MYCBP2: variants seen among roughly 807,000 people sequenced by gnomAD.
The protein encoded by MYCBP2 is E3 ubiquitin-protein ligase MYCBP2.
A neutral mutation model predicts 525.3 loss-of-function variants in MYCBP2; 120 were observed. The observed-to-expected ratio is 0.23, with a 90% CI of 0.20 to 0.27. The LOEUF is 0.27. MYCBP2 is among the 10% of genes least tolerant of loss of function. MYCBP2 has a pLI of 1.00. For synonymous variants in MYCBP2, 1,894 were observed against 1,955.8 expected, an observed-to-expected ratio of 0.97 and a Z score of 0.83; for missense variants, 4,149 against 5,657.1, an observed-to-expected ratio of 0.73 and a Z score of 8.55.
intron 8 of MYCBP2, among the ~76,000 whole-genome samples, chr13:77,267,414 T>TA (rs1567103045): frequency 6.7e-5 from 10 of 148,642 alleles, no homozygotes; most frequent in African/African-American, 2.2e-4. Flanking sequence ...AAAATAAAAT[T>TA]AAATTAAATT....
At position 77,066,092 on chromosome 13, in the gene MYCBP2, C is replaced by T; in HGVS notation, c.12456-4G>A. The T allele has an allele frequency of 6.2e-7, 1 of 1,606,348 alleles. No homozygotes were observed. Among genetic ancestry groups the T allele is most frequent in the Non-Finnish European group, 8.5e-7 (1 of 1,174,426 alleles). On this transcript the variant is annotated splice_polypyrimidine_tract_variant and splice_region_variant and intron_variant, in intron 71 of 82. Transcript: ENST00000544440. ...ACTTTCACCTCGTCGGAGATAACTA[C>T]AAGAAAAATTAGCACTTAAAAAGCC...
chr13:77,190,394 T>G, intron 28 of MYCBP2, 59 bp from the exon 29 acceptor site: 1 of 989,280 alleles, frequency 1.0e-6, no homozygotes, highest in Non-Finnish European at 1.5e-6. Flanking sequence ...AATAAGAAAT[T>G]TAAGAAACAT....
chr13:77,231,627 A>G (rs1391682012), intron 18 of MYCBP2, among the ~76,000 whole-genome samples: 1 of 152,228 alleles, frequency 6.6e-6, no homozygotes, highest in Non-Finnish European at 1.5e-5. Context: ...TTTTCATTTA[A>G]CGTTTCATTT....
chr13:77,277,920 T>A (rs1466913328), intron 4 of MYCBP2, among the ~76,000 whole-genome samples: 1 of 152,206 alleles, frequency 6.6e-6, no homozygotes, highest in Non-Finnish European at 1.5e-5. Context: ...AAATTATGCT[T>A]CCATCTATAT....
chr13:77,227,821 G>C (rs929455127), intron 18 of MYCBP2, among the ~76,000 whole-genome samples: 1 of 152,110 alleles, frequency 6.6e-6, no homozygotes, highest in Non-Finnish European at 1.5e-5. Flanking sequence ...ATCAAGGAAG[G>C]AGATTATTTT....
chr13:77,108,766 C>T (rs569531066), intron 55 of MYCBP2, among the ~76,000 whole-genome samples: 18 of 151,490 alleles, frequency 1.2e-4, no homozygotes, highest in African/African-American at 3.6e-4. Flanking sequence ...TGCAGAGGCA[C>T]GATCTCAGCT....
intron 70 of MYCBP2, 81 bp downstream of exon 70, chr13:77,068,484 A>C: frequency 6.6e-7 from 1 of 1,509,506 alleles, no homozygotes; most frequent in South Asian, 1.3e-5. Flanking sequence ...TAGGGTCCTT[A>C]GATAATTCTC....
chr13:77,132,022 G>T (rs1407378327), intron 52 of MYCBP2, among the ~76,000 whole-genome samples: 2 of 152,100 alleles, frequency 1.3e-5, no homozygotes, highest in East Asian at 3.9e-4. Context: ...ATGATGAAAT[G>T]ACTCAGGAAA....
chr13:77,055,065 G>T (rs1484987258), intron 80 of MYCBP2, among the ~76,000 whole-genome samples: 1 of 151,252 alleles, frequency 6.6e-6, no homozygotes, highest in Non-Finnish European at 1.5e-5. Context: ...GGTCACCCAA[G>T]GTAAGGAAGT....
At chr13:77,293,228 T>C (rs1452459735) in intron 2 of MYCBP2, among the ~76,000 whole-genome samples, 1 of 152,142 alleles carries the variant, frequency 6.6e-6, no homozygotes, top group Non-Finnish European at 1.5e-5. Flanking sequence ...AGGTAGAATT[T>C]ATCAGAGGTT....
chr13:77,058,319 G>T lies in MYCBP2; in HGVS notation c.13228C>A (p.Leu4410Ile). 1 of 1,614,178 alleles carries T rather than the reference G, an allele frequency of 6.2e-7. No individual in the cohort carries two copies. The change falls in exon 78 of 83, where the codon CTA becomes ATA. Residue 4410 changes from leucine (L) to isoleucine (I), a missense_variant. Leu to Ile is a conservative substitution (Grantham distance 5). Coordinates refer to ENST00000544440, the MANE Select transcript of MYCBP2 (RefSeq NM_015057.5). This position sits in a 1 kb window ranked among gnomAD's most constrained non-coding sequence, Gnocchi z 4.1. ...VKNEEHCLPC[L>I]HGCDKSATSL... ...GTGGCACTTTTGTCACAGCCGTGTA[G>T]ACAGGGCAGACAGTGCTCTTCGTTT...
Position 77,098,110 on chromosome 13 carries a change from G to A in MYCBP2, c.9044C>T (p.Pro3015Leu). ...CATGGCTTGCTTGGCTGGCTCTAAA[G>A]GCTTGGATCCATCTCCTTTGAAAAG... ...SFLFKGDGSK[P>L]LEPAKQAMSP... The change falls in exon 56 of 83, where the codon CCT (proline) becomes CTT (leucine). Residue 3015 changes from proline (P) to leucine (L), a missense_variant. By Grantham distance (98) the Pro-to-Leu change is moderately conservative. This residue lies in a region of MYCBP2 where 653 missense variants were observed against 744.7 expected (regional missense o/e 0.88). Coordinates refer to ENST00000544440, the MANE Select transcript of MYCBP2 (RefSeq NM_015057.5). 1 of 1,613,488 alleles carries A rather than the reference G, an allele frequency of 6.2e-7. No homozygotes were observed.
chr13:77,194,035 A>T (rs2061526728), intron 27 of MYCBP2, 118 bp downstream of exon 27: 2 of 557,734 alleles, frequency 3.6e-6, no homozygotes, highest in African/African-American at 3.8e-5. Context: ...TAATTTCTCA[A>T]GTATTTGATA....
At chr13:77,255,960 T>C (rs2072107209) in intron 14 of MYCBP2, among the ~76,000 whole-genome samples, 1 of 152,024 alleles carries the variant, frequency 6.6e-6, no homozygotes, top group South Asian at 2.1e-4. Context: ...GTTATAAACA[T>C]AACGATAGCA....
intron 1 of MYCBP2, among the ~76,000 whole-genome samples, chr13:77,307,625 CAAAAAAAAAAA>C (rs763388200): frequency 6.0e-3 from 181 of 30,112 alleles, no homozygotes; most frequent in Non-Finnish European, 8.2e-3. Context: ...GACCCTGTCT[CAAAAAAAAAAA>C]AAAAAAAAAA....
At chr13:77,299,849 G>A (rs2078583437) in intron 1 of MYCBP2, among the ~76,000 whole-genome samples, 1 of 151,972 alleles carries the variant, frequency 6.6e-6, no homozygotes, top group African/African-American at 2.4e-5. Context: ...AAAAGGAAAA[G>A]GCTATTAACA....
intron 26 of MYCBP2, 32 bp downstream of exon 26, chr13:77,205,224 C>T: frequency 1.3e-6 from 2 of 1,483,452 alleles, no homozygotes; most frequent in East Asian, 2.4e-5. Context: ...TATGTTCAAA[C>T]AAAAAAGGAC....
chr13:77,194,934 G>GA (rs1490943404), intron 26 of MYCBP2, among the ~76,000 whole-genome samples: 6 of 150,328 alleles, frequency 4.0e-5, no homozygotes, highest in African/African-American at 4.9e-5. Flanking sequence ...CTCTGGGTAA[G>GA]AAAAAAACAG....
At chr13:77,257,944 G>T in intron 13 of MYCBP2, 115 bp from the exon 14 acceptor site, 1 of 796,612 alleles carries the variant, frequency 1.3e-6, no homozygotes, top group Non-Finnish European at 1.9e-6. Context: ...TCAACAAAAT[G>T]AGAAATAAGT....
Sources: gnomAD v4.1 joint callset for allele counts (sites outside exome capture counted in the v4.1 genomes callset) on GRCh38, gnomAD v4.1.1 for gene constraint, gnomAD v4.1.1 regional missense constraint, Gnocchi (gnomAD v3.1) non-coding constraint, MANE v1.5 for transcripts, NCBI Gene and HGNC (gene_info 2026-07-23, HGNC 2026-07-21) for gene names.